The following TRAPPC9 variants were observed in gnomAD, a reference collection of about 807,000 sequenced individuals.
TRAPPC9 encodes trafficking protein particle complex subunit 9.
A neutral mutation model predicts 124.0 loss-of-function variants in TRAPPC9; 83 were observed. The ratio of observed to expected loss-of-function variants is 0.67; its 90% CI spans 0.56 to 0.80. The LOEUF (loss-of-function observed/expected upper bound fraction) is 0.80, where lower values mean the gene tolerates loss of function less well. Among genes scored for constraint, TRAPPC9 ranks in the 30% least tolerant of loss-of-function variants. TRAPPC9 has a pLI of 0.00. For synonymous variants in TRAPPC9, 638 were observed against 617.5 expected, an observed-to-expected ratio of 1.03 and a Z score of -0.49; for missense variants, 1,302 against 1,508.3, an observed-to-expected ratio of 0.86 and a Z score of 2.27.
intron 7 of TRAPPC9, among the ~76,000 whole-genome samples, chr8:140,397,383 C>G (rs2069125850): frequency 7.6e-6 from 1 of 131,678 alleles, no homozygotes; most frequent in East Asian, 2.4e-4. Context: ...GTTACTTCTC[C>G]AAAAAACAAA....
rs111356162 is a variant in TRAPPC9 at position 140,038,854 on chromosome 8, T to C, written c.2557-14775A>G. On this transcript the variant is annotated intron_variant, in intron 17 of 22. Transcript: ENST00000438773. ...GGCCCTCCTCGGAGCCTCCATAGGATGCAAGCCACAGCCTCAGATGGCTCT... is the reference window on the plus strand; with the variant it reads ...GGCCCTCCTCGGAGCCTCCATAGGACGCAAGCCACAGCCTCAGATGGCTCT... Among the ~76,000 whole-genome samples the C allele has an allele frequency of 8.0e-3, 1,222 of 152,306 alleles. 18 individuals carry two copies. Among genetic ancestry groups the C allele is most frequent in the African/African-American group, 0.028 (1,170 of 41,566 alleles).
At chr8:140,192,397 A>T (rs2062515649) in intron 17 of TRAPPC9, among the ~76,000 whole-genome samples, 2 of 152,240 alleles carry the variant, frequency 1.3e-5, no homozygotes, top group African/African-American at 2.4e-5. Context: ...CTGTTAGAAG[A>T]AGTCACTGGC....
At chr8:140,246,013 G>A (rs939268440) in intron 16 of TRAPPC9, among the ~76,000 whole-genome samples, 5 of 152,174 alleles carry the variant, frequency 3.3e-5, no homozygotes, top group African/African-American at 4.8e-5. Context: ...GTATTAGATC[G>A]TCCAATCGCG....
intron 21 of TRAPPC9, among the ~76,000 whole-genome samples, chr8:139,775,615 C>T (rs1196063425): frequency 6.6e-6 from 1 of 152,294 alleles, no homozygotes; most frequent in African/African-American, 2.4e-5. Flanking sequence ...ACATCTGAGG[C>T]CAGCCTGGTT....
Position 139,853,533 on chromosome 8 carries a change from G to C in TRAPPC9, c.3055+32346C>G, listed in dbSNP as rs531813092. ...GTCAGGTGTTCAAGAAATGCTTGCTGACCGAATGAACAAAGGAAGGAAATA... is the reference window on the plus strand; with the variant it reads ...GTCAGGTGTTCAAGAAATGCTTGCTCACCGAATGAACAAAGGAAGGAAATA... On this transcript the variant is annotated intron_variant, in intron 21 of 22. Transcript: ENST00000438773. Among the ~76,000 whole-genome samples, 7 of 152,324 alleles carry C rather than the reference G, an allele frequency of 4.6e-5. No homozygotes were observed. In the East Asian group the frequency reaches 1.4e-3, roughly 29 times the overall value.
At chr8:140,304,737 C>A (rs1239786139) in intron 10 of TRAPPC9, among the ~76,000 whole-genome samples, 1 of 152,178 alleles carries the variant, frequency 6.6e-6, no homozygotes, top group Non-Finnish European at 1.5e-5. Flanking sequence ...GAGAACATAA[C>A]TCTGGATTCT....
In TRAPPC9 at chr8:140,252,935, A is replaced by G. The variant is rs2064163364; in HGVS notation, c.2279-6T>C. On this transcript the variant is annotated splice_region_variant and splice_polypyrimidine_tract_variant and intron_variant, in intron 15 of 22. Transcript: ENST00000438773. The surrounding 1 kb of genome is among the most constrained non-coding windows in gnomAD (Gnocchi z 4.2). ...GAAGTCGCCATACAATTTTTCTGTAATAATAACAATGACAGTGATGAGGAT... is the reference window on the plus strand; with the variant it reads ...GAAGTCGCCATACAATTTTTCTGTAGTAATAACAATGACAGTGATGAGGAT... 8.7e-6 allele frequency: 14 copies of G among 1,613,498 alleles called. No individual in the cohort carries two copies. Among genetic ancestry groups the G allele is most frequent in the African/African-American group, 1.3e-5 (1 of 74,914 alleles).
intron 4 of TRAPPC9, among the ~76,000 whole-genome samples, chr8:140,430,419 G>A (rs867372789): frequency 2.6e-5 from 4 of 152,210 alleles, no homozygotes; most frequent in Middle Eastern, 3.4e-3. Flanking sequence ...TGAGGTGTAA[G>A]ATGAGTTTGG....
chr8:140,263,867 C>T (rs1037456997), intron 15 of TRAPPC9, among the ~76,000 whole-genome samples: 2 of 152,168 alleles, frequency 1.3e-5, no homozygotes, highest in Admixed American at 6.5e-5. Context: ...TACCCGGAGC[C>T]GGCTGCTGCA....
intron 14 of TRAPPC9, among the ~76,000 whole-genome samples, chr8:140,280,752 C>G (rs968526880): frequency 1.3e-5 from 2 of 152,100 alleles, no homozygotes; most frequent in Non-Finnish European, 2.9e-5. Flanking sequence ...AGTTTTAAAA[C>G]ACTTGCAGCA....
chr8:140,029,084 G>T (rs1357375556), intron 17 of TRAPPC9, among the ~76,000 whole-genome samples: 1 of 152,190 alleles, frequency 6.6e-6, no homozygotes, highest in African/African-American at 2.4e-5. Context: ...TCAGGGAAGA[G>T]TATCAATAAT....
chr8:140,144,279 A>T (rs1465045450), intron 17 of TRAPPC9, among the ~76,000 whole-genome samples: 1 of 152,208 alleles, frequency 6.6e-6, no homozygotes, highest in East Asian at 1.9e-4. Context: ...GAGTAAGTTG[A>T]CATCTTCAAA....
At chr8:139,841,014 G>A (rs766427785) in intron 21 of TRAPPC9, among the ~76,000 whole-genome samples, 3 of 152,208 alleles carry the variant, frequency 2.0e-5, no homozygotes, top group Non-Finnish European at 4.4e-5. Flanking sequence ...TCACTGTCTT[G>A]AAATTCTAGA....
intron 19 of TRAPPC9, chr8:139,931,987 C>A (rs1833174543): frequency 4.3e-6 from 1 of 229,968 alleles, no homozygotes; most frequent in Admixed American, 5.2e-5. Flanking sequence ...ATGCTACTCT[C>A]CGGATGATTT....
chr8:140,157,855 C>T (rs1267591096), intron 17 of TRAPPC9, among the ~76,000 whole-genome samples: 1 of 152,184 alleles, frequency 6.6e-6, no homozygotes, highest in African/African-American at 2.4e-5. Flanking sequence ...AGACATTTTT[C>T]TGTGCACATA....
At position 140,353,095 on chromosome 8, in the gene TRAPPC9, G is replaced by C. The variant is rs1049280983; in HGVS notation, c.1495+6955C>G. The stretch of plus-strand genomic sequence containing the variant: ...CCATCTACCCAGAGGCCTCCAGAAA[G>C]ACACTGGACCACAGTAGAAGAGGTA... On this transcript the variant is annotated intron_variant, in intron 9 of 22. Coordinates refer to ENST00000438773, the MANE Select transcript of TRAPPC9 (RefSeq NM_001160372.4). The surrounding 1 kb of genome is among the most constrained non-coding windows in gnomAD (Gnocchi z 4.2). 3.3e-5 allele frequency among the ~76,000 whole-genome samples: 5 copies of C among 152,116 alleles called. No homozygotes were observed. The highest frequency in any genetic ancestry group is 7.3e-5 in the Non-Finnish European group (5 of 68,034).
At chr8:140,234,015 A>G (rs1249753446) in intron 16 of TRAPPC9, among the ~76,000 whole-genome samples, 2 of 152,212 alleles carry the variant, frequency 1.3e-5, no homozygotes, top group African/African-American at 4.8e-5. Context: ...AAATGTGGGT[A>G]CTTAAATTTA....
At chr8:139,924,825 C>T (rs1210099452) in intron 19 of TRAPPC9, among the ~76,000 whole-genome samples, 1 of 152,240 alleles carries the variant, frequency 6.6e-6, no homozygotes, top group Non-Finnish European at 1.5e-5. Context: ...GAGGGAATTA[C>T]ATCTTACTCA....
At chr8:139,860,645 C>T (rs937913626) in intron 21 of TRAPPC9, among the ~76,000 whole-genome samples, 1 of 152,260 alleles carries the variant, frequency 6.6e-6, no homozygotes, top group Non-Finnish European at 1.5e-5. Flanking sequence ...TTCCCCCCAG[C>T]TCATCCCTCC....
Sources: gnomAD v4.1 joint callset for allele counts (sites outside exome capture counted in the v4.1 genomes callset) on GRCh38, gnomAD v4.1.1 for gene constraint, Gnocchi (gnomAD v3.1) non-coding constraint, MANE v1.5 for transcripts, NCBI Gene and HGNC (gene_info 2026-07-23, HGNC 2026-07-21) for gene names.